The following ESRRG variants were observed in gnomAD, a reference collection of about 807,000 sequenced individuals.
ESRRG encodes estrogen-related receptor gamma.
ESRRG carries 13 observed loss-of-function variants against 44.0 expected under a neutral mutation model. The ratio of observed to expected loss-of-function variants is 0.30; its 90% confidence interval spans 0.19 to 0.47. The LOEUF is 0.47. ESRRG is among the 20% of genes least tolerant of loss of function. ESRRG has a pLI of 1.00. For synonymous variants in ESRRG, 215 were observed against 214.6 expected, an observed-to-expected ratio of 1.00 and a Z score of -0.02; for missense variants, 395 against 580.6, an observed-to-expected ratio of 0.68 and a Z score of 3.29.
chr1:216,666,418 C>T (rs1011570241), intron 2 of ESRRG, among the ~76,000 whole-genome samples: 1 of 152,146 alleles, frequency 6.6e-6, no homozygotes, highest in Non-Finnish European at 1.5e-5. Context: ...AGTATCATTC[C>T]TATTGTTTTG....
At chr1:216,961,675 A>T (rs373108994) in intron 1 of ESRRG, among the ~76,000 whole-genome samples, 92 of 151,710 alleles carry the variant, frequency 6.1e-4, no homozygotes, top group African/African-American at 2.2e-3. Flanking sequence ...CAGCATATGT[A>T]AAATTTTACC....
At chr1:216,641,482 G>A (rs1255794214) in intron 3 of ESRRG, among the ~76,000 whole-genome samples, 1 of 152,130 alleles carries the variant, frequency 6.6e-6, no homozygotes, top group African/African-American at 2.4e-5. Context: ...GTACACTATG[G>A]CCATATCCTC....
In ESRRG at chr1:217,126,155, T is replaced by G. The variant is rs546067993; in HGVS notation, c.-230+11512A>C. Among the ~76,000 whole-genome samples, 395 of 152,294 alleles carry G rather than the reference T, an allele frequency of 2.6e-3. 4 individuals are homozygous for G. Among genetic ancestry groups the G allele is most frequent in the Middle Eastern group, 0.014 (4 of 292 alleles). ...TTGTGCGGTCATGGGCAGTAATCTC[T>G]AAGCCTCACTTTCCTCTCTGTGGGA... On this transcript the variant is annotated intron_variant, in intron 1 of 8. Transcript: ENST00000366940.
intron 2 of ESRRG, among the ~76,000 whole-genome samples, chr1:216,789,379 T>C (rs2148046845): frequency 6.6e-6 from 1 of 152,278 alleles, no homozygotes; most frequent in Admixed American, 6.5e-5. Context: ...AAGGCTCAGA[T>C]GATCATTAGC....
intron 2 of ESRRG, among the ~76,000 whole-genome samples, chr1:216,838,694 G>C (rs1034830094): frequency 6.6e-6 from 1 of 152,130 alleles, no homozygotes; most frequent in Non-Finnish European, 1.5e-5. Context: ...CCAGACCACT[G>C]CAATAAAGTG....
At chr1:216,992,665 T>C (rs2075878451) in intron 1 of ESRRG, among the ~76,000 whole-genome samples, 1 of 152,222 alleles carries the variant, frequency 6.6e-6, no homozygotes, top group South Asian at 2.1e-4. Context: ...AAAATAAAAA[T>C]TATTTGTAAA....
Position 216,702,529 on chromosome 1 carries a change from G to A in ESRRG, c.56+20715C>T, listed in dbSNP as rs577388372. Among the ~76,000 whole-genome samples, 6 of 151,314 alleles carry A rather than the reference G, an allele frequency of 4.0e-5. No individual in the cohort carries two copies. In the East Asian group the frequency reaches 1.2e-3, roughly 29 times the overall value. ...TGTAATCCCTGCACTTTGGGAGGCC[G>A]AGATGGGTGGATCACTTGAGGTCAG... On this transcript the variant is annotated intron_variant, in intron 1 of 6. Coordinates refer to ENST00000408911, the MANE Select transcript of ESRRG (RefSeq NM_001438.4).
chr1:217,020,115 G>A (rs555680607), intron 1 of ESRRG, among the ~76,000 whole-genome samples: 2 of 152,230 alleles, frequency 1.3e-5, no homozygotes, highest in African/African-American at 4.8e-5. Context: ...GAATCACAAA[G>A]GTCCTGGTAT....
chr1:216,589,276 G>T (rs2057239028), intron 3 of ESRRG, among the ~76,000 whole-genome samples: 1 of 152,124 alleles, frequency 6.6e-6, no homozygotes, highest in Admixed American at 6.5e-5. Flanking sequence ...CCACAAGTGG[G>T]CCACATGTGG....
chr1:217,022,604 G>A (rs190942512), intron 1 of ESRRG, among the ~76,000 whole-genome samples: 2 of 152,224 alleles, frequency 1.3e-5, no homozygotes, highest in Admixed American at 6.5e-5. Context: ...AGCAACAGCC[G>A]TTGCCCAGGC....
chr1:216,747,142 T>A (rs1343725903), intron 2 of ESRRG, among the ~76,000 whole-genome samples: 1 of 152,184 alleles, frequency 6.6e-6, no homozygotes, highest in Admixed American at 6.5e-5. Context: ...TTTTACCTAT[T>A]TGTGAGATAA....
chr1:216,793,948 C>T (rs2094400465), intron 2 of ESRRG, among the ~76,000 whole-genome samples: 1 of 141,856 alleles, frequency 7.0e-6, no homozygotes, highest in African/African-American at 2.7e-5. Context: ...AGACTTCTGG[C>T]TTAACTAAGG....
At chr1:216,949,965 A>T (rs2066689026) in intron 1 of ESRRG, among the ~76,000 whole-genome samples, 1 of 152,094 alleles carries the variant, frequency 6.6e-6, no homozygotes, top group African/African-American at 2.4e-5. Flanking sequence ...GGCACATGCC[A>T]CCACACCCGG....
chr1:216,513,403 C>T (rs374945197), intron 6 of ESRRG, among the ~76,000 whole-genome samples: 16 of 152,154 alleles, frequency 1.1e-4, no homozygotes, highest in Non-Finnish European at 2.1e-4. Context: ...ATTTTAAAAT[C>T]GAAAATAGTA....
chr1:216,993,085 G>A (rs1485791981), intron 1 of ESRRG, among the ~76,000 whole-genome samples: 3 of 152,174 alleles, frequency 2.0e-5, no homozygotes, highest in African/African-American at 7.2e-5. Flanking sequence ...TAACTTCATT[G>A]TTTACTCTTA....
chr1:216,606,362 A>G (rs2059933887), intron 3 of ESRRG, among the ~76,000 whole-genome samples: 1 of 152,228 alleles, frequency 6.6e-6, no homozygotes, highest in South Asian at 2.1e-4. Context: ...GAAATTAAAC[A>G]TGTACAATGG....
At chr1:216,761,852 A>G (rs1378434172) in intron 2 of ESRRG, among the ~76,000 whole-genome samples, 5 of 152,092 alleles carry the variant, frequency 3.3e-5, no homozygotes, top group Admixed American at 2.0e-4. Context: ...CCAGCTCTTC[A>G]ATCCATTCCC....
intron 2 of ESRRG, among the ~76,000 whole-genome samples, chr1:216,801,562 G>C (rs1360739072): frequency 6.6e-6 from 1 of 152,108 alleles, no homozygotes; most frequent in Non-Finnish European, 1.5e-5. Flanking sequence ...CTCACCAAGA[G>C]TGTACAGCGT....
At chr1:216,878,623 T>C (rs553804116) in intron 2 of ESRRG, among the ~76,000 whole-genome samples, 5 of 152,318 alleles carry the variant, frequency 3.3e-5, no homozygotes, top group Non-Finnish European at 7.3e-5. Flanking sequence ...CTCCATGTAG[T>C]AACATTTTCA....
Sources: gnomAD v4.1 joint callset for allele counts (sites outside exome capture counted in the v4.1 genomes callset) on GRCh38, gnomAD v4.1.1 for gene constraint, MANE v1.5 for transcripts, NCBI Gene and HGNC (gene_info 2026-07-23, HGNC 2026-07-21) for gene names.